Variants in ERBB4 observed in about 807,000 individuals in gnomAD.
The protein encoded by ERBB4 is erb-b2 receptor tyrosine kinase 4.
Under a neutral mutation model 158.0 loss-of-function variants are expected in ERBB4, and 42 were observed. That is an observed-to-expected ratio of 0.27 (90% confidence interval 0.21 to 0.34). ERBB4 has a LOEUF of 0.34. ERBB4 is among the 10% of genes least tolerant of loss of function. The pLI is 1.00. For missense variants in ERBB4, 1,333 were observed against 1,624.1 expected (o/e 0.82, Z 3.08); for synonymous variants, 583 against 558.7 (o/e 1.04, Z -0.61).
intron 1 of ERBB4, among the ~76,000 whole-genome samples, chr2:212,449,303 GC>G (rs1338323230): frequency 3.3e-5 from 5 of 152,052 alleles, no homozygotes; most frequent in African/African-American, 1.2e-4. Context: ...TTATTTTATT[GC>G]CAACGATAAG....
intron 1 of ERBB4, among the ~76,000 whole-genome samples, chr2:212,432,998 C>T (rs2092062672): frequency 1.3e-5 from 2 of 152,022 alleles, no homozygotes; most frequent in African/African-American, 4.8e-5. Flanking sequence ...CTAGTGCTTA[C>T]ATTTGTAACA....
chr2:211,930,046 G>A (rs770439259), intron 3 of ERBB4, among the ~76,000 whole-genome samples: 1 of 151,830 alleles, frequency 6.6e-6, no homozygotes, highest in Non-Finnish European at 1.5e-5. Context: ...TGACATGTAT[G>A]GATTTATTAT....
chr2:212,127,403 C>T lies in ERBB4; in HGVS notation c.83-2500G>A, dbSNP rs1213574142. On this transcript the variant is annotated intron_variant, in intron 1 of 27. Coordinates refer to ENST00000342788, the MANE Select transcript of ERBB4 (RefSeq NM_005235.3). ...GTCAGGAGATCGAGACCATCCTGGT[C>T]AACACAGTGAAACCCCGTCTCAACT... Among the ~76,000 whole-genome samples the T allele has an allele frequency of 3.9e-5, 6 of 152,104 alleles. No homozygotes were observed. The East Asian group carries it at 5.8e-4, about 15-fold the overall frequency.
Position 212,320,655 on chromosome 2 carries a change from G to T in ERBB4, c.83-195752C>A, listed in dbSNP as rs142587016. On this transcript the variant is annotated intron_variant, in intron 1 of 27. Coordinates refer to ENST00000342788, the MANE Select transcript of ERBB4 (RefSeq NM_005235.3). ...GTGCTACCAAAAAGACAAGCATTGG[G>T]ACACAGAAAGCCAGGGCTAAAAAAA... 6.9e-4 allele frequency among the ~76,000 whole-genome samples: 104 copies of T among 149,760 alleles called. 2 individuals carry two copies. Among genetic ancestry groups the T allele is most frequent in the African/African-American group, 2.4e-3 (100 of 41,262 alleles).
chr2:212,026,361 A>T (rs1315079742), intron 2 of ERBB4, among the ~76,000 whole-genome samples: 2 of 151,768 alleles, frequency 1.3e-5, no homozygotes, highest in Non-Finnish European at 3.0e-5. Flanking sequence ...TAAAATAATA[A>T]ACAGAATATT....
chr2:211,844,937 A>T lies in ERBB4; in HGVS notation c.422-56778T>A, dbSNP rs192590212. Among the ~76,000 whole-genome samples the T allele has an allele frequency of 3.5e-3, 536 of 152,242 alleles. 7 individuals carry two copies. The highest frequency in any genetic ancestry group is 0.01 in the Middle Eastern group (3 of 294). ...AGCAAAGCCATCAGGCATTCTTGGG[A>T]CAGCTGAAGGGCACTGCACTGAGAG... On this transcript the variant is annotated intron_variant, in intron 3 of 27. Coordinates refer to ENST00000342788, the MANE Select transcript of ERBB4 (RefSeq NM_005235.3).
intron 1 of ERBB4, among the ~76,000 whole-genome samples, chr2:212,217,297 T>C (rs754825412): frequency 6.6e-6 from 1 of 151,302 alleles, no homozygotes; most frequent in Non-Finnish European, 1.5e-5. Context: ...GTCTCCAATA[T>C]CTTTGTGTCA....
At chr2:212,341,630 A>T (rs909362057) in intron 1 of ERBB4, among the ~76,000 whole-genome samples, 7 of 152,332 alleles carry the variant, frequency 4.6e-5, no homozygotes, top group African/African-American at 1.7e-4. Flanking sequence ...TGACTAAATG[A>T]CATATTAAAA....
chr2:212,530,736 G>A (rs1692711674), intron 1 of ERBB4, among the ~76,000 whole-genome samples: 1 of 152,142 alleles, frequency 6.6e-6, no homozygotes, highest in South Asian at 2.1e-4. Context: ...GTATTCAAAA[G>A]ATTAACACTT....
intron 3 of ERBB4, among the ~76,000 whole-genome samples, chr2:211,841,290 T>C (rs987535577): frequency 6.6e-6 from 1 of 152,066 alleles, no homozygotes; most frequent in Non-Finnish European, 1.5e-5. Context: ...GTGGTGACTA[T>C]TGGGCTATTT....
chr2:211,580,844 T>TATTTTA (rs1232460302), intron 19 of ERBB4, among the ~76,000 whole-genome samples: 1 of 58,700 alleles, frequency 1.7e-5, no homozygotes, highest in Non-Finnish European at 4.0e-5. Flanking sequence ...AGATTATATA[T>TATTTTA]TATATATATA....
At chr2:212,228,572 A>G (rs532968370) in intron 1 of ERBB4, among the ~76,000 whole-genome samples, 13 of 152,312 alleles carry the variant, frequency 8.5e-5, no homozygotes, top group East Asian at 3.9e-4. Flanking sequence ...CCAGAATTAT[A>G]ATATTGGAGG....
intron 3 of ERBB4, among the ~76,000 whole-genome samples, chr2:211,842,936 T>C (rs553848427): frequency 6.6e-6 from 1 of 152,112 alleles, no homozygotes; most frequent in South Asian, 2.1e-4. Flanking sequence ...AGCTACATGA[T>C]CCTGGACAAC....
intron 5 of ERBB4, among the ~76,000 whole-genome samples, chr2:211,739,122 A>G (rs892088352): frequency 3.3e-5 from 5 of 152,190 alleles, no homozygotes; most frequent in Non-Finnish European, 7.3e-5. Flanking sequence ...TAGACTATAT[A>G]TAGTCTATCC....
chr2:211,800,348 A>G (rs73069379), intron 3 of ERBB4, among the ~76,000 whole-genome samples: 11,960 of 152,148 alleles, frequency 0.079, 1,491 homozygotes, highest in African/African-American at 0.26. Flanking sequence ...AGGTTTAGAG[A>G]GCTAAATAAC....
intron 1 of ERBB4, among the ~76,000 whole-genome samples, chr2:212,446,414 C>T (rs1013008953): frequency 3.3e-5 from 5 of 150,540 alleles, no homozygotes; most frequent in Non-Finnish European, 7.4e-5. Context: ...CTGGCCTAGA[C>T]TCTCAGCCTG....
intron 12 of ERBB4, among the ~76,000 whole-genome samples, chr2:211,689,388 G>A (rs2072706537): frequency 6.6e-6 from 1 of 152,000 alleles, no homozygotes; most frequent in South Asian, 2.1e-4. Context: ...TTGTAGAGAT[G>A]GAGTTTCACT....
intron 1 of ERBB4, among the ~76,000 whole-genome samples, chr2:212,452,700 C>A (rs976324777): frequency 6.6e-6 from 1 of 152,152 alleles, no homozygotes; most frequent in South Asian, 2.1e-4. Flanking sequence ...CTGCATCTTA[C>A]AATTTGCTTA....
chr2:211,957,243 G>A (rs183112515), intron 2 of ERBB4, among the ~76,000 whole-genome samples: 156 of 152,082 alleles, frequency 1.0e-3, no homozygotes, highest in African/African-American at 3.4e-3. Context: ...TTATTAAGTC[G>A]GGCCCTAATC....
Sources: allele counts gnomAD v4.1 joint callset (sites outside exome capture counted in the v4.1 genomes callset), GRCh38; gene constraint gnomAD v4.1.1; transcripts MANE v1.5; gene names NCBI Gene and HGNC (gene_info 2026-07-23, HGNC 2026-07-21).